The following HDLBP variants were observed in gnomAD, a reference collection of about 807,000 sequenced individuals.
The protein encoded by HDLBP is vigilin.
In HDLBP, 30 loss-of-function variants were observed where a neutral mutation model predicts 137.3. That is an observed-to-expected ratio of 0.22 (90% confidence interval 0.16 to 0.30). The LOEUF (loss-of-function observed/expected upper bound fraction) is 0.30, where lower values mean the gene tolerates loss of function less well. Ranked by LOEUF, HDLBP falls within the 10% of genes least tolerant of loss-of-function variation. The pLI, the probability that HDLBP is intolerant of heterozygous loss-of-function variation, is 1.00. For synonymous variants in HDLBP, 606 were observed against 596.0 expected, an observed-to-expected ratio of 1.02 and a Z score of -0.24; for missense variants, 1,119 against 1,667.3, an observed-to-expected ratio of 0.67 and a Z score of 5.73.
At chr2:241,312,478 T>C (rs145593875) in intron 1 of HDLBP, among the ~76,000 whole-genome samples, 2,093 of 152,348 alleles carry the variant, frequency 0.014, 12 homozygotes, top group Non-Finnish European at 0.022. Context: ...ATGTTGAACG[T>C]TGTGGTGCTT....
At chr2:241,294,323 C>T (rs1160173795) in intron 1 of HDLBP, among the ~76,000 whole-genome samples, 1 of 152,166 alleles carries the variant, frequency 6.6e-6, no homozygotes, top group Non-Finnish European at 1.5e-5. Flanking sequence ...CTATCTAAAA[C>T]ACATGGTTTA....
At chr2:241,232,087 G>A (rs1010321296) in intron 24 of HDLBP, among the ~76,000 whole-genome samples, 1 of 152,148 alleles carries the variant, frequency 6.6e-6, no homozygotes, top group African/African-American at 2.4e-5. Flanking sequence ...CAGAGTGGGA[G>A]GCAGCAGCCC....
intron 24 of HDLBP, 62 bp from the exon 25 acceptor site, chr2:241,231,006 G>A: frequency 2.0e-6 from 3 of 1,468,168 alleles, no homozygotes; most frequent in Non-Finnish European, 2.8e-6. Context: ...TCAGGGGCAA[G>A]AGCCGGCCCC....
At chr2:241,312,303 C>CGGTATTCGAGGAACTT (rs1235573878) in intron 1 of HDLBP, among the ~76,000 whole-genome samples, 5 of 152,216 alleles carry the variant, frequency 3.3e-5, no homozygotes, top group Non-Finnish European at 1.5e-5. Context: ...TCATCTTCAA[C>CGGTATTCGAGGAACTT]GGTATTCGAG....
At chr2:241,288,601 G>A (rs2074910895) in intron 1 of HDLBP, among the ~76,000 whole-genome samples, 1 of 152,152 alleles carries the variant, frequency 6.6e-6, no homozygotes, top group Admixed American at 6.5e-5. Context: ...TTGACTCACT[G>A]AAGAAACAAA....
At chr2:241,311,094 A>G (rs1274354076) in intron 1 of HDLBP, among the ~76,000 whole-genome samples, 1 of 152,156 alleles carries the variant, frequency 6.6e-6, no homozygotes, top group Non-Finnish European at 1.5e-5. Flanking sequence ...AGCCTGAGCA[A>G]CAGAGCAAGA....
chr2:241,275,189 C>A (rs777050959), intron 1 of HDLBP, among the ~76,000 whole-genome samples: 70 of 151,942 alleles, frequency 4.6e-4, no homozygotes, highest in South Asian at 1.2e-3. Flanking sequence ...CCCCCCACCC[C>A]GCCTCAGGAA....
Position 241,238,602 on chromosome 2 carries a change from G to T in HDLBP, c.2749+47C>A, listed in dbSNP as rs765265047. The T allele has an allele frequency of 2.1e-6, 3 of 1,411,380 alleles. No individual in the cohort carries two copies. Among genetic ancestry groups the T allele is most frequent in the Non-Finnish European group, 2.8e-6 (3 of 1,056,500 alleles). The allele number at this position is 1,411,380 out of a possible 1,614,324, so 87.4% of individuals were successfully genotyped here. The stretch of plus-strand genomic sequence containing the variant: ...GTGCGACAGCCCCGCCTCTCACATG[G>T]GAGGCGCCACTATTAACAAGCAGAG... On this transcript the variant is annotated intron_variant, in intron 20 of 27. Transcript: ENST00000310931. The surrounding 1 kb of genome is among the most constrained non-coding windows in gnomAD (Gnocchi z 4.9).
At position 241,233,999 on chromosome 2, in the gene HDLBP, G is replaced by A; in HGVS notation, c.3145-36C>T. On this transcript the variant is annotated intron_variant, in intron 23 of 27. Coordinates refer to ENST00000310931, the MANE Select transcript of HDLBP (RefSeq NM_005336.6). The surrounding 1 kb of genome is among the most constrained non-coding windows in gnomAD (Gnocchi z 4.3). ...AAGGAGCAAGAATGAGGCAAAGATTGAGCTGATCCACCCTGTGACTCCATT... is the reference window on the plus strand; with the variant it reads ...AAGGAGCAAGAATGAGGCAAAGATTAAGCTGATCCACCCTGTGACTCCATT... 2 of 1,612,788 alleles carry A rather than the reference G, an allele frequency of 1.2e-6. No homozygotes were observed. Among genetic ancestry groups the A allele is most frequent in the Non-Finnish European group, 1.7e-6 (2 of 1,178,968 alleles).
chr2:241,275,367 G>A (rs2074351875), intron 1 of HDLBP, among the ~76,000 whole-genome samples: 1 of 151,760 alleles, frequency 6.6e-6, no homozygotes, highest in South Asian at 2.1e-4. Flanking sequence ...AAGCATAAGA[G>A]ACATAAAGGT....
intron 1 of HDLBP, among the ~76,000 whole-genome samples, chr2:241,307,559 T>C (rs1009040411): frequency 6.6e-6 from 1 of 152,236 alleles, no homozygotes; most frequent in African/African-American, 2.4e-5. Context: ...AAAAATATTC[T>C]AAAAGATAAC....
chr2:241,243,534 G>A (rs1425528849), intron 16 of HDLBP: 1 of 151,746 alleles, frequency 6.6e-6, no homozygotes, highest in South Asian at 2.1e-4. Context: ...GCTCAGTCGG[G>A]GCCTGGTACA....
chr2:241,283,836 G>A (rs1188929777), intron 1 of HDLBP, among the ~76,000 whole-genome samples: 2 of 152,088 alleles, frequency 1.3e-5, no homozygotes, highest in African/African-American at 2.4e-5. Flanking sequence ...TCTTGTTAGG[G>A]GCTAGTGCAG....
intron 5 of HDLBP, among the ~76,000 whole-genome samples, chr2:241,261,320 G>C (rs1450363174): frequency 2.0e-5 from 3 of 151,956 alleles, no homozygotes; most frequent in Non-Finnish European, 4.4e-5. Context: ...CCAACTGAAA[G>C]AAACATCTTG....
At chr2:241,241,849 A>G (rs2071270640) in intron 17 of HDLBP, among the ~76,000 whole-genome samples, 1 of 152,240 alleles carries the variant, frequency 6.6e-6, no homozygotes, top group Admixed American at 6.5e-5. Context: ...AATGCCTGCA[A>G]AAGTCAAAAC....
rs935908049 is a variant in HDLBP, at chr2:241,299,999, T to C, written c.-103+15571A>G. On this transcript the variant is annotated intron_variant, in intron 1 of 27. Transcript: ENST00000310931. ...GAATGCACATTGCACCCAAACTTTA[T>C]GTAGCAAAGCATATTGTCACGATTC... Among the ~76,000 whole-genome samples, 6 of 152,358 alleles carry C rather than the reference T, an allele frequency of 3.9e-5. No individual in the cohort carries two copies. The East Asian group carries it at 7.7e-4, about 20-fold the overall frequency.
intron 1 of HDLBP, among the ~76,000 whole-genome samples, chr2:241,295,768 C>G (rs146188217): frequency 6.6e-6 from 1 of 152,102 alleles, no homozygotes; most frequent in Admixed American, 6.6e-5. Flanking sequence ...AAATGCCACC[C>G]GTGACAGACG....
rs748006435 is a variant in HDLBP at position 241,256,331 on chromosome 2, AT to A, written c.725del (p.Asn242IlefsTer22). 6.2e-7 allele frequency: 1 copy of A among 1,614,096 alleles called. No individual in the cohort carries two copies. The highest frequency in any genetic ancestry group is 8.5e-7 in the Non-Finnish European group (1 of 1,180,010). On this transcript the variant is annotated frameshift_variant, in exon 7 of 28. Coordinates refer to ENST00000310931, the MANE Select transcript of HDLBP (RefSeq NM_005336.6). LOFTEE classifies it high-confidence loss of function. ...AFHPFIAGPY[N>X]RLVGEIMQET... ...CCTGCATGATCTCGCCAACCAGTCT[AT>A]TATACGGCCCAGCGATGAAGGGGTG...
At chr2:241,247,422 C>T (rs11680329) in intron 14 of HDLBP, 70,015 of 458,524 alleles carry the variant, frequency 0.15, 6,740 homozygotes, top group Non-Finnish European at 0.2. Flanking sequence ...TCAGAACACA[C>T]ATGGAGACAG....
Sources: allele counts gnomAD v4.1 joint callset (sites outside exome capture counted in the v4.1 genomes callset), GRCh38; gene constraint gnomAD v4.1.1; non-coding constraint Gnocchi (gnomAD v3.1); transcripts MANE v1.5; gene names NCBI Gene and HGNC (gene_info 2026-07-23, HGNC 2026-07-21).